The following AKAP6 variants were observed in gnomAD, a reference collection of about 807,000 sequenced individuals.
AKAP6 encodes the protein A-kinase anchoring protein 6.
Under a neutral mutation model 188.5 loss-of-function variants are expected in AKAP6, and 58 were observed. The observed-to-expected ratio is 0.31, with a 90% CI of 0.25 to 0.38. The LOEUF (loss-of-function observed/expected upper bound fraction) is 0.38. Among genes scored for constraint, AKAP6 ranks in the 10% least tolerant of loss-of-function variants. The pLI, the probability that AKAP6 is intolerant of heterozygous loss-of-function variation, is 1.00. For synonymous variants in AKAP6, 989 were observed against 998.6 expected, an observed-to-expected ratio of 0.99 and a Z score of 0.18; for missense variants, 2,710 against 2,740.0, an observed-to-expected ratio of 0.99 and a Z score of 0.24.
At chr14:32,774,773 C>G (rs1190783740) in intron 12 of AKAP6, among the ~76,000 whole-genome samples, 1 of 147,460 alleles carries the variant, frequency 6.8e-6, no homozygotes, top group Non-Finnish European at 1.5e-5. Context: ...TACATACATA[C>G]ATAGAATGGA....
chr14:32,417,042 GT>G (rs1399336530), intron 1 of AKAP6, among the ~76,000 whole-genome samples: 1 of 151,878 alleles, frequency 6.6e-6, no homozygotes, highest in East Asian at 1.9e-4. Flanking sequence ...GAGTTTGACT[GT>G]GTTTGCTAGG....
At chr14:32,737,849 A>G (rs1486195422) in intron 11 of AKAP6, among the ~76,000 whole-genome samples, 2 of 152,194 alleles carry the variant, frequency 1.3e-5, no homozygotes, top group Non-Finnish European at 2.9e-5. Context: ...AGCTTTGTAG[A>G]CAGAACTGCG....
rs139905110 is a variant in AKAP6, at chr14:32,719,456, C to T, written c.3001-12998C>T. Among the ~76,000 whole-genome samples the T allele has an allele frequency of 2.6e-5, 4 of 152,326 alleles. No individual in the cohort carries two copies. In the East Asian group the frequency reaches 5.8e-4, roughly 22 times the overall value. Reference sequence around the variant, plus strand: ...CAAAAGTCACCATGTTCTGCAGCAACACCTTTTTGATAAACTACAATGGTT... The same window carrying T: ...CAAAAGTCACCATGTTCTGCAGCAATACCTTTTTGATAAACTACAATGGTT... On this transcript the variant is annotated intron_variant, in intron 9 of 13. Coordinates refer to ENST00000280979, the MANE Select transcript of AKAP6 (RefSeq NM_004274.5).
At chr14:32,701,462 A>C (rs1042153956) in intron 9 of AKAP6, among the ~76,000 whole-genome samples, 2 of 152,144 alleles carry the variant, frequency 1.3e-5, no homozygotes, top group Non-Finnish European at 2.9e-5. Context: ...CTTAGATGTG[A>C]AAACATTTTC....
intron 5 of AKAP6, among the ~76,000 whole-genome samples, chr14:32,582,367 G>A (rs1885017384): frequency 6.6e-6 from 1 of 151,424 alleles, no homozygotes; most frequent in Non-Finnish European, 1.5e-5. Flanking sequence ...GAGATCCGCT[G>A]TTAGTCTGAT....
intron 11 of AKAP6, among the ~76,000 whole-genome samples, chr14:32,747,326 G>C (rs1277690371): frequency 6.6e-6 from 1 of 152,118 alleles, no homozygotes; most frequent in Admixed American, 6.5e-5. Context: ...CTCTAACTTG[G>C]AGCCATTACA....
At chr14:32,667,759 G>A (rs927257512) in intron 7 of AKAP6, among the ~76,000 whole-genome samples, 4 of 151,978 alleles carry the variant, frequency 2.6e-5, no homozygotes, top group African/African-American at 9.7e-5. Flanking sequence ...CACTTGTTTG[G>A]TTCTGTTTTG....
rs148215126 is a variant in AKAP6 at position 32,382,046 on chromosome 14, A to G, written c.-34-51414A>G. Among the ~76,000 whole-genome samples, 1,214 of 152,304 alleles carry G rather than the reference A, an allele frequency of 8.0e-3. 11 individuals are homozygous for G. Among genetic ancestry groups the G allele is most frequent in the African/African-American group, 0.028 (1,159 of 41,568 alleles). ...TGTGTTACTTAACTTTCTGGGCCTC[A>G]GTAATCTTATCTGTGAAAAGGGGAT... On this transcript the variant is annotated intron_variant, in intron 1 of 13. Transcript: ENST00000280979.
chr14:32,523,688 C>A (rs531408926), intron 2 of AKAP6, among the ~76,000 whole-genome samples: 4 of 151,142 alleles, frequency 2.6e-5, no homozygotes, highest in Non-Finnish European at 5.9e-5. Context: ...AGACTGGTCT[C>A]GAGCTCCTGA....
At chr14:32,525,777 T>C (rs1882089807) in intron 2 of AKAP6, among the ~76,000 whole-genome samples, 1 of 152,208 alleles carries the variant, frequency 6.6e-6, no homozygotes, top group Admixed American at 6.5e-5. Context: ...TGCATCTGTA[T>C]GGCGGTGTCC....
At chr14:32,590,409 C>T (rs956688020) in intron 5 of AKAP6, among the ~76,000 whole-genome samples, 2 of 152,092 alleles carry the variant, frequency 1.3e-5, no homozygotes, top group East Asian at 3.9e-4. Context: ...CAACTGCACA[C>T]CAGCCTGAGT....
At chr14:32,405,672 G>T (rs534703577) in intron 1 of AKAP6, among the ~76,000 whole-genome samples, 8 of 140,310 alleles carry the variant, frequency 5.7e-5, no homozygotes, top group African/African-American at 2.1e-4. Flanking sequence ...AATCATGGGG[G>T]CAGTTTCCCC....
At chr14:32,681,087 T>G (rs1177009065) in intron 8 of AKAP6, among the ~76,000 whole-genome samples, 1 of 152,222 alleles carries the variant, frequency 6.6e-6, no homozygotes, top group Non-Finnish European at 1.5e-5. Flanking sequence ...CAGTTGCCTT[T>G]TTTTCATCCA....
intron 5 of AKAP6, among the ~76,000 whole-genome samples, chr14:32,577,730 C>T (rs1312918742): frequency 6.6e-6 from 1 of 151,956 alleles, no homozygotes; most frequent in African/African-American, 2.4e-5. Flanking sequence ...GTGGGTTTTT[C>T]AGCATATAAT....
intron 12 of AKAP6, among the ~76,000 whole-genome samples, chr14:32,818,245 A>G (rs1410143481): frequency 6.6e-6 from 1 of 152,204 alleles, no homozygotes; most frequent in Non-Finnish European, 1.5e-5. Context: ...AGAGTTAATA[A>G]AAGAACAGTA....
chr14:32,688,058 G>A (rs951157593), intron 8 of AKAP6, among the ~76,000 whole-genome samples: 1 of 151,760 alleles, frequency 6.6e-6, no homozygotes, highest in Non-Finnish European at 1.5e-5. Context: ...ATGCTTTTGG[G>A]AGAAGTATGA....
chr14:32,386,810 A>G (rs968073409), intron 1 of AKAP6, among the ~76,000 whole-genome samples: 1 of 152,140 alleles, frequency 6.6e-6, no homozygotes, highest in Admixed American at 6.6e-5. Flanking sequence ...ATCCAGTTTC[A>G]TTCTCCTACT....
chr14:32,781,178 T>C (rs1362957129), intron 12 of AKAP6, among the ~76,000 whole-genome samples: 1 of 151,664 alleles, frequency 6.6e-6, no homozygotes, highest in South Asian at 2.1e-4. Context: ...ACCAATGAAA[T>C]TGATAAACCT....
At chr14:32,523,746 T>A (rs1594707741) in intron 2 of AKAP6, among the ~76,000 whole-genome samples, 1 of 145,656 alleles carries the variant, frequency 6.9e-6, no homozygotes, top group East Asian at 2.0e-4. Flanking sequence ...AGGTTGCAGG[T>A]GTGAGCCACC....
Sources: gnomAD v4.1 joint callset for allele counts (sites outside exome capture counted in the v4.1 genomes callset) on GRCh38, gnomAD v4.1.1 for gene constraint, MANE v1.5 for transcripts, NCBI Gene and HGNC (gene_info 2026-07-23, HGNC 2026-07-21) for gene names.